The following FHIT variants were observed in gnomAD, a reference collection of about 807,000 sequenced individuals.
FHIT encodes the protein bis(5'-adenosyl)-triphosphatase.
A neutral mutation model predicts 17.9 loss-of-function variants in FHIT; 19 were observed. That is an observed-to-expected ratio of 1.06 (90% CI 0.74 to 1.56). FHIT has a LOEUF of 1.56. Ranked by LOEUF, FHIT falls within the 40% of genes most tolerant of loss-of-function variation. The probability of loss-of-function intolerance (pLI) is 0.00; values close to 1 mark genes in which losing one functional copy is unlikely to be tolerated. For missense variants in FHIT, 248 were observed against 189.2 expected, an observed-to-expected ratio of 1.31 and a Z score of -1.82; for synonymous variants, 81 against 69.7, an observed-to-expected ratio of 1.16 and a Z score of -0.81.
chr3:60,649,686 A>G (rs2039947328), intron 4 of FHIT, among the ~76,000 whole-genome samples: 1 of 152,144 alleles, frequency 6.6e-6, no homozygotes, highest in East Asian at 1.9e-4. Flanking sequence ...CTGCATATTA[A>G]TCAAGCTTAT....
intron 4 of FHIT, among the ~76,000 whole-genome samples, chr3:60,558,865 G>T (rs958404755): frequency 5.9e-5 from 9 of 152,168 alleles, no homozygotes; most frequent in African/African-American, 2.2e-4. Flanking sequence ...TTAGACTAAT[G>T]ACCCAGGGAA....
chr3:60,601,069 T>C (rs2107713260), intron 4 of FHIT, among the ~76,000 whole-genome samples: 1 of 152,266 alleles, frequency 6.6e-6, no homozygotes, highest in East Asian at 1.9e-4. Flanking sequence ...CAGAGTTTGT[T>C]GACTTCCACA....
chr3:60,652,462 G>A (rs1300032268), intron 4 of FHIT, among the ~76,000 whole-genome samples: 1 of 152,106 alleles, frequency 6.6e-6, no homozygotes, highest in East Asian at 1.9e-4. Context: ...GTAGGGCCAG[G>A]CGCGGTCACG....
At chr3:61,000,826 C>T (rs2031028016) in intron 3 of FHIT, among the ~76,000 whole-genome samples, 1 of 152,168 alleles carries the variant, frequency 6.6e-6, no homozygotes, top group South Asian at 2.1e-4. Context: ...CCAGTAGAGA[C>T]CTAGTGGGGA....
intron 8 of FHIT, among the ~76,000 whole-genome samples, chr3:59,837,254 C>T (rs1459600112): frequency 2.0e-5 from 3 of 152,120 alleles, no homozygotes; most frequent in Non-Finnish European, 4.4e-5. Flanking sequence ...TCCAGGACCT[C>T]CCTCAGATGC....
intron 8 of FHIT, among the ~76,000 whole-genome samples, chr3:59,787,004 AGTG>A: frequency 6.6e-6 from 1 of 152,342 alleles, no homozygotes; most frequent in Non-Finnish European, 1.5e-5. Flanking sequence ...CCCCCTTCTC[AGTG>A]GTGAATTCAA....
intron 7 of FHIT, among the ~76,000 whole-genome samples, chr3:59,981,323 G>T (rs771638385): frequency 1.3e-5 from 2 of 152,058 alleles, no homozygotes; most frequent in Non-Finnish European, 1.5e-5. Flanking sequence ...ACGCTGTCCT[G>T]TCTTGTCTAA....
chr3:60,290,957 A>G (rs1360625233), intron 5 of FHIT, among the ~76,000 whole-genome samples: 1 of 152,124 alleles, frequency 6.6e-6, no homozygotes, highest in Non-Finnish European at 1.5e-5. Context: ...GGACTGAGAA[A>G]ATCACTTCCT....
chr3:60,880,494 A>T (rs1704912246), intron 3 of FHIT, among the ~76,000 whole-genome samples: 1 of 152,252 alleles, frequency 6.6e-6, no homozygotes. Flanking sequence ...GAATTTTGGG[A>T]GTCCAAGGTG....
Position 60,443,873 on chromosome 3 carries a change from A to G in FHIT, c.103+92987T>C, listed in dbSNP as rs555860339. On this transcript the variant is annotated intron_variant, in intron 5 of 9. Transcript: ENST00000492590. ...CAATTAAACTAAAGAGCTTCTGCAC[A>G]GCAAAAGAAACTACCATCAGAGTGA... 5.5e-3 allele frequency among the ~76,000 whole-genome samples: 833 copies of G among 152,312 alleles called. 9 individuals carry two copies. Among genetic ancestry groups the G allele is most frequent in the African/African-American group, 0.019 (806 of 41,574 alleles).
At chr3:60,044,333 T>C (rs2106847483) in intron 5 of FHIT, among the ~76,000 whole-genome samples, 1 of 152,302 alleles carries the variant, frequency 6.6e-6, no homozygotes, top group South Asian at 2.1e-4. Flanking sequence ...ATATAGAAAG[T>C]TGTGAGGCAA....
chr3:60,487,655 G>C (rs2033898733), intron 5 of FHIT, among the ~76,000 whole-genome samples: 1 of 152,160 alleles, frequency 6.6e-6, no homozygotes, highest in African/African-American at 2.4e-5. Flanking sequence ...TGCAGTGCCT[G>C]ACTATCTCAA....
chr3:61,238,597 C>A (rs2040289744), intron 1 of FHIT, among the ~76,000 whole-genome samples: 1 of 152,242 alleles, frequency 6.6e-6, no homozygotes, highest in Admixed American at 6.5e-5. Context: ...GGTCAACATT[C>A]TGCCAATTGC....
At chr3:59,897,722 C>T (rs180987110) in intron 8 of FHIT, among the ~76,000 whole-genome samples, 1 of 151,212 alleles carries the variant, frequency 6.6e-6, no homozygotes, top group South Asian at 2.1e-4. Flanking sequence ...CATCCCTAAT[C>T]TGAAAATCTG....
chr3:61,003,725 TG>T (rs1309145825), intron 3 of FHIT, among the ~76,000 whole-genome samples: 1 of 152,172 alleles, frequency 6.6e-6, no homozygotes, highest in Non-Finnish European at 1.5e-5. Flanking sequence ...GAAGAAAAAA[TG>T]TTCTTTATTA....
At chr3:60,320,898 A>G (rs1709396093) in intron 5 of FHIT, among the ~76,000 whole-genome samples, 1 of 152,224 alleles carries the variant, frequency 6.6e-6, no homozygotes, top group Non-Finnish European at 1.5e-5. Flanking sequence ...TTGAAACCCA[A>G]ATCGTAATGA....
chr3:60,146,939 T>C (rs1049594748), intron 5 of FHIT, among the ~76,000 whole-genome samples: 6 of 152,152 alleles, frequency 3.9e-5, no homozygotes, highest in African/African-American at 1.4e-4. Flanking sequence ...AGATATAAAA[T>C]GTGAAGATAT....
At chr3:61,079,446 C>T (rs1315320795) in intron 2 of FHIT, among the ~76,000 whole-genome samples, 1 of 152,098 alleles carries the variant, frequency 6.6e-6, no homozygotes, top group Non-Finnish European at 1.5e-5. Context: ...AGGAGAAACA[C>T]ATTCAGCAAA....
At chr3:60,587,973 C>A (rs2037960322) in intron 4 of FHIT, among the ~76,000 whole-genome samples, 3 of 151,438 alleles carry the variant, frequency 2.0e-5, no homozygotes, top group African/African-American at 7.3e-5. Flanking sequence ...TTTTTCCCTT[C>A]CACCACTCTT....
Sources: allele counts gnomAD v4.1 joint callset (sites outside exome capture counted in the v4.1 genomes callset), GRCh38; gene constraint gnomAD v4.1.1; transcripts MANE v1.5; gene names NCBI Gene and HGNC (gene_info 2026-07-23, HGNC 2026-07-21).